The following MBD2 variants were observed in gnomAD, a reference collection of about 807,000 sequenced individuals.
MBD2 encodes the protein methyl-CpG binding domain protein 2.
A neutral mutation model predicts 39.3 loss-of-function variants in MBD2; 9 were observed. The observed-to-expected ratio is 0.23, with a 90% CI of 0.14 to 0.40. The LOEUF (loss-of-function observed/expected upper bound fraction) is 0.40. MBD2 is among the 10% of genes least tolerant of loss of function. The pLI, the probability that MBD2 is intolerant of heterozygous loss-of-function variation, is 1.00. For synonymous variants in MBD2, 233 were observed against 211.1 expected (o/e 1.10, Z -0.90); for missense variants, 458 against 532.6 (o/e 0.86, Z 1.38).
chr18:54,156,228 T>C (rs1166391297), intron 6 of MBD2, among the ~76,000 whole-genome samples: 4 of 152,220 alleles, frequency 2.6e-5, no homozygotes, highest in Non-Finnish European at 5.9e-5. Flanking sequence ...AAGGTAAATG[T>C]AATTTTCATA....
chr18:54,164,392 G>A, intron 5 of MBD2, 131 bp downstream of exon 5: 3 of 779,804 alleles, frequency 3.8e-6, no homozygotes, highest in Non-Finnish European at 6.0e-6. Flanking sequence ...GAAAAACTCT[G>A]TTAAAAAAGA....
intron 3 of MBD2, 55 bp from the exon 4 acceptor site, chr18:54,166,221 G>T: frequency 4.0e-6 from 4 of 988,650 alleles, no homozygotes; most frequent in Non-Finnish European, 6.4e-6. Context: ...AGAAAGTAGC[G>T]CATCGATGCT....
At chr18:54,172,791 C>T (rs1437661805) in intron 3 of MBD2, among the ~76,000 whole-genome samples, 2 of 152,184 alleles carry the variant, frequency 1.3e-5, no homozygotes, top group Admixed American at 6.5e-5. Context: ...TTCAAACTTG[C>T]TTTTTCACTA....
chr18:54,160,144 C>T (rs916024489), intron 5 of MBD2: 73 of 424,548 alleles, frequency 1.7e-4, no homozygotes, highest in African/African-American at 1.3e-3. Context: ...CTAGAAAGAG[C>T]AGATTGACGT....
chr18:54,164,671 G>C lies in MBD2; in HGVS notation c.961C>G (p.Leu321Val). 1.2e-6 allele frequency: 2 copies of C among 1,612,116 alleles called. No individual in the cohort carries two copies. Among genetic ancestry groups the C allele is most frequent in the Non-Finnish European group, 1.7e-6 (2 of 1,178,354 alleles). ...GVGPGSNDET[L>V]LSAVASALHT... ...AAAGCACTGGCAACAGCAGATAAAA[G>C]GGTCTCATCATTGCTACCTGGACCA... Residue 321 changes from leucine to valine, a missense_variant, in exon 5 of 7, where the codon CTT becomes GTT. Leu to Val is a conservative substitution (Grantham distance 32). This residue lies in a region of MBD2 where 189 missense variants were observed against 296.6 expected (regional missense o/e 0.64). Coordinates refer to ENST00000256429, the MANE Select transcript of MBD2 (RefSeq NM_003927.5).
chr18:54,173,042 T>C (rs1432957131), intron 3 of MBD2, among the ~76,000 whole-genome samples: 1 of 152,176 alleles, frequency 6.6e-6, no homozygotes, highest in African/African-American at 2.4e-5. Flanking sequence ...AATTAGGAAG[T>C]ATAAACAAAG....
At chr18:54,217,036 T>A (rs2086567107) in intron 1 of MBD2, among the ~76,000 whole-genome samples, 1 of 151,898 alleles carries the variant, frequency 6.6e-6, no homozygotes, top group Non-Finnish European at 1.5e-5. Context: ...GTGCAGTGAG[T>A]GGAGATCACG....
In MBD2 at chr18:54,188,739, T is replaced by G. The variant is rs948479567; in HGVS notation, c.840+135A>C. The stretch of plus-strand genomic sequence containing the variant: ...TAAATTTTGCATACTTCAGCATTCA[T>G]GTAATAGCCTAGGACATAAAATAAT... On this transcript the variant is annotated intron_variant, in intron 3 of 6. Transcript: ENST00000256429. 2.1e-5 allele frequency: 18 copies of G among 869,422 alleles called. No individual in the cohort carries two copies. The African/African-American group carries it at 2.9e-4, about 14-fold the overall frequency. The allele number at this position is 869,422 out of a possible 1,614,324, so 53.9% of individuals were successfully genotyped here.
intron 1 of MBD2, among the ~76,000 whole-genome samples, chr18:54,208,851 T>A (rs888466719): frequency 6.6e-6 from 1 of 152,172 alleles, no homozygotes; most frequent in South Asian, 2.1e-4. Context: ...ACCAGTTCAT[T>A]TTAGATCTCT....
At chr18:54,178,520 AAAAG>A (rs1251464687) in intron 3 of MBD2, among the ~76,000 whole-genome samples, 7 of 152,164 alleles carry the variant, frequency 4.6e-5, no homozygotes, top group Non-Finnish European at 1.0e-4. Context: ...GCTGGAAATA[AAAAG>A]AAAGTGCAAA....
At chr18:54,156,264 G>T (rs571989514) in intron 6 of MBD2, among the ~76,000 whole-genome samples, 2 of 152,102 alleles carry the variant, frequency 1.3e-5, no homozygotes, top group Non-Finnish European at 1.5e-5. Context: ...TAAATCTTCC[G>T]CAATCTATAA....
intron 2 of MBD2, among the ~76,000 whole-genome samples, chr18:54,201,611 C>T (rs996506415): frequency 1.3e-5 from 2 of 152,102 alleles, no homozygotes; most frequent in Admixed American, 1.3e-4. Flanking sequence ...ACCTGTAATC[C>T]CAGCACTTTG....
rs375244494 is a variant in MBD2 at position 54,164,630 on chromosome 18, C to T, written c.1002G>A (p.Ala334=). 8.1e-6 allele frequency: 13 copies of T among 1,614,008 alleles called. No homozygotes were observed. Among genetic ancestry groups the T allele is most frequent in the African/African-American group, 1.3e-5 (1 of 74,896 alleles). The change falls in exon 5 of 7, where the codon GCG becomes GCA. Residue 334 remains alanine, a synonymous_variant. Coordinates refer to ENST00000256429, the MANE Select transcript of MBD2 (RefSeq NM_003927.5). Reference sequence around the variant, plus strand: ...CAGCGGAGACTTGCCCTGTGATTGGCGCAGAGCTTGTGTGCAAAGCACTGG... The same window carrying T: ...CAGCGGAGACTTGCCCTGTGATTGGTGCAGAGCTTGTGTGCAAAGCACTGG... The part of the protein sequence containing the change: ...AVASALHTSS[A]PITGQVSAAV...
intron 2 of MBD2, among the ~76,000 whole-genome samples, chr18:54,203,453 G>A (rs1013235584): frequency 6.6e-6 from 1 of 152,118 alleles, no homozygotes; most frequent in African/African-American, 2.4e-5. Flanking sequence ...TCCCTCTACT[G>A]CTATTCTTAC....
intron 6 of MBD2, among the ~76,000 whole-genome samples, chr18:54,159,227 A>T (rs2086076376): frequency 1.3e-5 from 2 of 152,136 alleles, no homozygotes; most frequent in Admixed American, 1.3e-4. Flanking sequence ...AGGAGACTAG[A>T]TCCCTTGCAA....
chr18:54,220,623 A>C (rs141935756), intron 1 of MBD2, among the ~76,000 whole-genome samples: 1 of 152,214 alleles, frequency 6.6e-6, no homozygotes. Context: ...AATTGGGTGC[A>C]GGTGTTCACA....
At chr18:54,208,449 G>A (rs1266302088) in intron 1 of MBD2, among the ~76,000 whole-genome samples, 8 of 151,412 alleles carry the variant, frequency 5.3e-5, no homozygotes, top group Admixed American at 6.6e-5. Context: ...CCGAGATGGC[G>A]CCACTACACT....
rs1439048126 is a variant in MBD2 at position 54,164,787 on chromosome 18, T to C, written c.932-87A>G. The C allele has an allele frequency of 2.8e-6, 3 of 1,067,750 alleles. No individual in the cohort carries two copies. The East Asian group carries it at 7.5e-5, about 27-fold the overall frequency. The allele number at this position is 1,067,750 out of a possible 1,614,324, so 66.1% of individuals were successfully genotyped here. ...TGACATAAAACAACTGATATTTTTA[T>C]ATTCATTTGGGATCATATATGTAAA... On this transcript the variant is annotated intron_variant, in intron 4 of 6. Coordinates refer to ENST00000256429, the MANE Select transcript of MBD2 (RefSeq NM_003927.5).
intron 3 of MBD2, among the ~76,000 whole-genome samples, chr18:54,178,903 G>T (rs1349548768): frequency 6.6e-6 from 1 of 151,856 alleles, no homozygotes; most frequent in Non-Finnish European, 1.5e-5. Context: ...ATTATAAAAT[G>T]CACAAATTCC....
Sources: allele counts gnomAD v4.1 joint callset (sites outside exome capture counted in the v4.1 genomes callset), GRCh38; gene constraint gnomAD v4.1.1; regional missense constraint gnomAD v4.1.1; transcripts MANE v1.5; gene names NCBI Gene and HGNC (gene_info 2026-07-23, HGNC 2026-07-21).